Variants in ZNF469 observed in about 807,000 individuals in gnomAD.
ZNF469 encodes the protein zinc finger protein 469.
In ZNF469, 1 loss-of-function variant was observed where a neutral mutation model predicts 1.0. That is an observed-to-expected ratio of 1.00 (90% CI 0.35 to 4.73). ZNF469 has a LOEUF of 4.73. ZNF469 is among the 30% of genes most tolerant of loss of function. The pLI, the probability that ZNF469 is intolerant of heterozygous loss-of-function variation, is 0.16. For synonymous variants in ZNF469, 2,703 were observed against 2,363.4 expected, an observed-to-expected ratio of 1.14 and a Z score of -4.17; for missense variants, 6,100 against 5,356.3, an observed-to-expected ratio of 1.14 and a Z score of -4.33.
At chr16:88,336,407 G>A in the ZNF469 span, among the ~76,000 whole-genome samples, 137 of 147,862 alleles carry the variant, frequency 9.3e-4, 1 homozygote, top group East Asian at 0.019. Context: ...CATCCTTCAC[G>A]TGAGACACTA....
the ZNF469 span, among the ~76,000 whole-genome samples, chr16:88,247,517 T>C: frequency 7.2e-6 from 1 of 138,640 alleles, no homozygotes; most frequent in East Asian, 2.5e-4. Context: ...AATGAGTGAG[T>C]GAGTGAATGA....
chr16:88,115,982 C>A, the ZNF469 span, among the ~76,000 whole-genome samples: 1,400 of 152,318 alleles, frequency 9.2e-3, 20 homozygotes, highest in African/African-American at 0.032. Context: ...AGGGTGGCCT[C>A]CCCATCTCAG....
chr16:88,163,912 ATGGATGAGTGGG>A, the ZNF469 span, among the ~76,000 whole-genome samples: 7 of 150,566 alleles, frequency 4.6e-5, no homozygotes, highest in African/African-American at 1.5e-4. Context: ...GGATGGATGG[ATGGATGAGTGGG>A]TGGATGGATG....
At chr16:88,146,975 A>C in the ZNF469 span, among the ~76,000 whole-genome samples, 1 of 152,074 alleles carries the variant, frequency 6.6e-6, no homozygotes, top group African/African-American at 2.4e-5. Flanking sequence ...TCCCCACGTC[A>C]GGAGGGGTCT....
the ZNF469 span, among the ~76,000 whole-genome samples, chr16:88,106,315 G>C: frequency 6.6e-6 from 1 of 152,208 alleles, no homozygotes; most frequent in African/African-American, 2.4e-5. Context: ...ATGGGGCTCA[G>C]CACAGGGATT....
chr16:88,214,293 A>G, the ZNF469 span, among the ~76,000 whole-genome samples: 2 of 152,168 alleles, frequency 1.3e-5, no homozygotes, highest in Non-Finnish European at 2.9e-5. Flanking sequence ...GCTCACAGCA[A>G]GGATTTCCTA....
At chr16:88,402,893 C>T (rs532974156) in intron 1 of ZNF469, among the ~76,000 whole-genome samples, 30 of 152,318 alleles carry the variant, frequency 2.0e-4, no homozygotes, top group Middle Eastern at 3.4e-3. Flanking sequence ...GCCAGGCTTT[C>T]CCTGGGCTCT....
At chr16:88,359,135 C>G in the ZNF469 span, among the ~76,000 whole-genome samples, 2 of 152,230 alleles carry the variant, frequency 1.3e-5, no homozygotes, top group East Asian at 1.9e-4. Flanking sequence ...ACCAGCAGCA[C>G]GTGAGTGTCC....
chr16:88,168,499 G>C, the ZNF469 span, among the ~76,000 whole-genome samples: 1 of 152,130 alleles, frequency 6.6e-6, no homozygotes, highest in South Asian at 2.1e-4. The surrounding 1 kb of genome is among the most constrained non-coding windows in gnomAD (Gnocchi z 4.3). Context: ...CCTTGTGTGG[G>C]GTTGCTCGTG....
At chr16:88,342,295 CT>C in the ZNF469 span, among the ~76,000 whole-genome samples, 2 of 152,106 alleles carry the variant, frequency 1.3e-5, no homozygotes, top group African/African-American at 4.8e-5. Context: ...TCTGCCTCCC[CT>C]CCTGCCTGCA....
chr16:88,237,135 T>TCCGTGCTCCTG, the ZNF469 span, among the ~76,000 whole-genome samples: 4 of 142,154 alleles, frequency 2.8e-5, no homozygotes, highest in Non-Finnish European at 6.2e-5. Context: ...CCCTAAATCC[T>TCCGTGCTCCTG]CCATGCTCCT....
the ZNF469 span, among the ~76,000 whole-genome samples, chr16:88,357,072 TC>T: frequency 2.0e-5 from 3 of 152,176 alleles, no homozygotes; most frequent in African/African-American, 7.2e-5. Context: ...CCCTTGGTGG[TC>T]CCCAGTTGTA....
the ZNF469 span, among the ~76,000 whole-genome samples, chr16:88,312,955 T>TA: frequency 1.3e-5 from 2 of 151,840 alleles, no homozygotes; most frequent in South Asian, 4.2e-4. Flanking sequence ...AGACTCAACT[T>TA]ACTTAGTTCC....
the ZNF469 span, among the ~76,000 whole-genome samples, chr16:88,336,315 C>T: frequency 0.23 from 33,613 of 147,884 alleles, 3,013 homozygotes; most frequent in Non-Finnish European, 0.28. Context: ...CACATTCATC[C>T]TTCACGTGAG....
At chr16:88,225,468 G>T in the ZNF469 span, among the ~76,000 whole-genome samples, 26 of 152,182 alleles carry the variant, frequency 1.7e-4, no homozygotes, top group African/African-American at 5.8e-4. Flanking sequence ...AGGGATTGGG[G>T]AGACCCTTCA....
the ZNF469 span, among the ~76,000 whole-genome samples, chr16:88,125,490 C>T: frequency 1.3e-5 from 2 of 152,242 alleles, no homozygotes; most frequent in Admixed American, 6.5e-5. Flanking sequence ...ATGGCTTGAA[C>T]TGGAATGAGT....
At chr16:88,203,321 C>T in the ZNF469 span, among the ~76,000 whole-genome samples, 81 of 152,278 alleles carry the variant, frequency 5.3e-4, no homozygotes, top group African/African-American at 1.8e-3. Context: ...CTCATCCGCC[C>T]GCTCTGTGCC....
intron 2 of ZNF469, among the ~76,000 whole-genome samples, chr16:88,425,428 G>C (rs933199379): frequency 6.6e-6 from 1 of 151,768 alleles, no homozygotes; most frequent in African/African-American, 2.4e-5. Context: ...GGGCCATGTG[G>C]GACATGGCTA....
the ZNF469 span, among the ~76,000 whole-genome samples, chr16:88,313,507 C>A: frequency 6.6e-6 from 1 of 151,612 alleles, no homozygotes; most frequent in Non-Finnish European, 1.5e-5. Flanking sequence ...GTAATTAAGA[C>A]GATGCTGGTG....
Sources: gnomAD v4.1 joint callset for allele counts (sites outside exome capture counted in the v4.1 genomes callset) on GRCh38, gnomAD v4.1.1 for gene constraint, Gnocchi (gnomAD v3.1) non-coding constraint, MANE v1.5 for transcripts, NCBI Gene and HGNC (gene_info 2026-07-23, HGNC 2026-07-21) for gene names.